Variants in ARID1B observed in about 807,000 individuals in gnomAD.
ARID1B encodes the protein AT-rich interaction domain 1B, also known as AT-rich interactive domain-containing protein 1B.
ARID1B carries 30 observed loss-of-function variants against 212.3 expected under a neutral mutation model. The ratio of observed to expected loss-of-function variants is 0.14; its 90% CI spans 0.11 to 0.19. The LOEUF (loss-of-function observed/expected upper bound fraction) is 0.19, where lower values mean the gene tolerates loss of function less well. Among genes scored for constraint, ARID1B ranks in the 10% least tolerant of loss-of-function variants. The probability of loss-of-function intolerance (pLI) is 1.00; values close to 1 mark genes in which losing one functional copy is unlikely to be tolerated. For synonymous variants in ARID1B, 1,402 were observed against 1,301.7 expected (o/e 1.08, Z -1.66); for missense variants, 2,891 against 3,204.0 (o/e 0.90, Z 2.36).
chr6:157,148,902 G>A lies in ARID1B; in HGVS notation c.3040G>A (p.Glu1014Lys). The change falls in exon 8 of 20, where the codon GAG becomes AAG. Residue 1014 changes from glutamate to lysine, a missense_variant. This residue lies in a region of ARID1B where 1,643 missense variants were observed against 1,544.0 expected (regional missense o/e 1.06). Transcript: ENST00000636930. This position sits in a 1 kb window ranked among gnomAD's most constrained non-coding sequence, Gnocchi z 5.6. ...GCCAACTGTGAACCGTAAGGCACAG[G>A]AGGCAGCCGCAGCAGTGATGCAGGC... Reference protein sequence around the residue: ...PMPTVNRKAQEAAAAVMQAAA... With the variant: ...PMPTVNRKAQKAAAAVMQAAA... The A allele has an allele frequency of 6.2e-7, 1 of 1,612,792 alleles. No homozygotes were observed. The highest frequency in any genetic ancestry group is 8.5e-7 in the Non-Finnish European group (1 of 1,179,918).
chr6:157,086,234 A>G (rs1416117079), intron 5 of ARID1B, among the ~76,000 whole-genome samples: 1 of 152,212 alleles, frequency 6.6e-6, no homozygotes, highest in Non-Finnish European at 1.5e-5. Context: ...CATTTCTAAG[A>G]TTCATCTGTA....
intron 11 of ARID1B, 61 bp from the exon 12 acceptor site, chr6:157,180,908 C>T (rs2128316206): frequency 6.9e-7 from 1 of 1,445,626 alleles, no homozygotes; most frequent in Non-Finnish European, 9.5e-7. Context: ...TTTTTCTCAC[C>T]TTCTTCCCTC....
chr6:156,895,412 A>C (rs1422612727), intron 2 of ARID1B, among the ~76,000 whole-genome samples: 1 of 152,154 alleles, frequency 6.6e-6, no homozygotes. Context: ...CAGACACCAG[A>C]ACTCAGAAGA....
chr6:156,828,237 TTTG>T (rs1782895387), intron 1 of ARID1B, among the ~76,000 whole-genome samples: 1 of 152,040 alleles, frequency 6.6e-6, no homozygotes, highest in Non-Finnish European at 1.5e-5. Flanking sequence ...AAGTTTTTAA[TTTG>T]TTGTAGAGAC....
At chr6:157,089,603 T>C (rs1203919521) in intron 5 of ARID1B, among the ~76,000 whole-genome samples, 1 of 152,178 alleles carries the variant, frequency 6.6e-6, no homozygotes, top group Non-Finnish European at 1.5e-5. Flanking sequence ...CAGGCCTGCT[T>C]GTTGACTCTA....
chr6:157,078,385 C>T (rs548944875), intron 4 of ARID1B, among the ~76,000 whole-genome samples: 3 of 152,136 alleles, frequency 2.0e-5, no homozygotes, highest in Admixed American at 1.3e-4. Context: ...CCAAAAAAAG[C>T]TTATAAATAC....
chr6:156,973,136 G>C (rs1476960501), intron 4 of ARID1B, among the ~76,000 whole-genome samples: 3 of 152,132 alleles, frequency 2.0e-5, no homozygotes, highest in Non-Finnish European at 4.4e-5. Context: ...GCTACTTGTG[G>C]GTATTGTGCA....
rs1778735336 is a variant in ARID1B, at chr6:156,777,855, G to C, written c.175G>C (p.Gly59Arg). 4.5e-6 allele frequency: 6 copies of C among 1,334,074 alleles called. No homozygotes were observed. The highest frequency in any genetic ancestry group is 5.7e-6 in the Non-Finnish European group (6 of 1,048,306). The allele number at this position is 1,334,074 out of a possible 1,614,324, so 82.6% of individuals were successfully genotyped here. ...AAAAAPGPML[G>R]GGGDGGGGLN... ...GGCGGCGGCACCGGGACCCATGCTG[G>C]GGGGCGGCGGCGACGGCGGCGGCGG... Residue 59 changes from glycine (G) to arginine (R), a missense_variant, in exon 1 of 20, where the codon GGG (glycine) becomes CGG (arginine). By Grantham distance (125) the Gly-to-Arg change is moderately radical. Transcript: ENST00000636930.
chr6:156,864,447 C>T (rs1785542099), intron 2 of ARID1B, among the ~76,000 whole-genome samples: 1 of 152,124 alleles, frequency 6.6e-6, no homozygotes, highest in Admixed American at 6.5e-5. Context: ...TTTTACTTTC[C>T]ACTAGCTATC....
chr6:156,972,641 C>T (rs555812698), intron 4 of ARID1B, among the ~76,000 whole-genome samples: 194 of 152,206 alleles, frequency 1.3e-3, no homozygotes, highest in Non-Finnish European at 2.5e-3. Context: ...TAGGAGGCTT[C>T]GTTTCTGTCT....
chr6:157,000,110 A>T (rs1778823427), intron 4 of ARID1B, among the ~76,000 whole-genome samples: 1 of 152,192 alleles, frequency 6.6e-6, no homozygotes, highest in Non-Finnish European at 1.5e-5. Context: ...GGGTTTGACA[A>T]GAGAGCATTC....
At chr6:157,001,318 C>T (rs1453968834) in intron 4 of ARID1B, among the ~76,000 whole-genome samples, 2 of 152,170 alleles carry the variant, frequency 1.3e-5, no homozygotes, top group Non-Finnish European at 2.9e-5. Context: ...GAGCCGAGAT[C>T]GAATCTGTGT....
chr6:157,073,788 C>T (rs891279690), intron 4 of ARID1B, among the ~76,000 whole-genome samples: 1 of 152,224 alleles, frequency 6.6e-6, no homozygotes, highest in Non-Finnish European at 1.5e-5. Flanking sequence ...TGTTATTATT[C>T]AACACCTTTA....
intron 2 of ARID1B, among the ~76,000 whole-genome samples, chr6:156,850,917 C>A (rs778940468): frequency 1.3e-5 from 2 of 152,298 alleles, no homozygotes; most frequent in Non-Finnish European, 2.9e-5. Flanking sequence ...CACAAAAATT[C>A]CCCCATCATC....
intron 8 of ARID1B, among the ~76,000 whole-genome samples, chr6:157,163,417 C>T (rs1322921607): frequency 6.6e-6 from 1 of 152,236 alleles, no homozygotes; most frequent in African/African-American, 2.4e-5. Context: ...TAACCAAAAT[C>T]AGTGGCGTGC....
chr6:156,844,628 T>C (rs1315937006), intron 2 of ARID1B, among the ~76,000 whole-genome samples: 1 of 152,214 alleles, frequency 6.6e-6, no homozygotes, highest in Non-Finnish European at 1.5e-5. Flanking sequence ...TTTGTTCTGG[T>C]GTGTTTAACC....
rs151256090 is a variant in ARID1B, at chr6:157,089,932, G to A, written c.2491+5027G>A. On this transcript the variant is annotated intron_variant, in intron 5 of 19. Transcript: ENST00000636930. ...ATATCCTAGCGTTTTTCACTTTGGC[G>A]TTAGGAGGGCTGCTGGGTTTTGGAT... 1.3e-3 allele frequency among the ~76,000 whole-genome samples: 203 copies of A among 152,240 alleles called. 2 individuals are homozygous for A. Among genetic ancestry groups the A allele is most frequent in the African/African-American group, 3.6e-3 (150 of 41,548 alleles).
intron 6 of ARID1B, among the ~76,000 whole-genome samples, chr6:157,132,649 G>A (rs559506662): frequency 4.5e-4 from 68 of 152,294 alleles, no homozygotes; most frequent in African/African-American, 1.6e-3. Context: ...GAGCAGGCAC[G>A]CACGGCATGG....
intron 8 of ARID1B, among the ~76,000 whole-genome samples, chr6:157,163,645 G>A (rs1015282215): frequency 1.6e-4 from 25 of 152,332 alleles, no homozygotes; most frequent in African/African-American, 6.0e-4. Flanking sequence ...CAGTAGGCCT[G>A]CAGCAGGTGT....
Sources: gnomAD v4.1 joint callset for allele counts (sites outside exome capture counted in the v4.1 genomes callset) on GRCh38, gnomAD v4.1.1 for gene constraint, gnomAD v4.1.1 regional missense constraint, Gnocchi (gnomAD v3.1) non-coding constraint, MANE v1.5 for transcripts, NCBI Gene and HGNC (gene_info 2026-07-23, HGNC 2026-07-21) for gene names.